The following GALNT13 variants were observed in gnomAD, a reference collection of about 807,000 sequenced individuals.
GALNT13 encodes the protein polypeptide N-acetylgalactosaminyltransferase 13, also known as UDP-GalNAc:polypeptide N-acetylgalactosaminyltransferase 13.
A neutral mutation model predicts 64.2 loss-of-function variants in GALNT13; 28 were observed. The observed-to-expected ratio is 0.44, with a 90% confidence interval of 0.32 to 0.60. The LOEUF (loss-of-function observed/expected upper bound fraction) is 0.60. Ranked by LOEUF, GALNT13 falls within the 20% of genes least tolerant of loss-of-function variation. The pLI is 0.05. For missense variants in GALNT13, 577 were observed against 669.8 expected (o/e 0.86, Z 1.53); for synonymous variants, 214 against 224.6 (o/e 0.95, Z 0.42).
At chr2:153,891,940 T>C (rs1055719050) in intron 1 of GALNT13, among the ~76,000 whole-genome samples, 2 of 152,044 alleles carry the variant, frequency 1.3e-5, no homozygotes, top group Admixed American at 6.6e-5. Context: ...TCCATGATTG[T>C]TTCTTTGCTC....
At chr2:153,397,615 G>A in the GALNT13 span, among the ~76,000 whole-genome samples, 1 of 151,640 alleles carries the variant, frequency 6.6e-6, no homozygotes, top group African/African-American at 2.4e-5. Context: ...TTCATGCTTT[G>A]TTGTCGGGAG....
At chr2:153,799,199 T>G in the GALNT13 span, among the ~76,000 whole-genome samples, 4 of 152,122 alleles carry the variant, frequency 2.6e-5, no homozygotes, top group African/African-American at 9.7e-5. Context: ...TAGTATTTGG[T>G]TTTTTTCTAT....
chr2:153,217,690 C>T, the GALNT13 span, among the ~76,000 whole-genome samples: 1 of 151,934 alleles, frequency 6.6e-6, no homozygotes, highest in Non-Finnish European at 1.5e-5. Context: ...TTATGATCTT[C>T]AGCTCTGAAG....
At chr2:153,246,236 T>C in the GALNT13 span, among the ~76,000 whole-genome samples, 2 of 152,116 alleles carry the variant, frequency 1.3e-5, no homozygotes, top group African/African-American at 4.8e-5. Flanking sequence ...CAGGATATTA[T>C]CCAGGAGAAC....
chr2:153,819,468 A>C, the GALNT13 span, among the ~76,000 whole-genome samples: 3 of 152,172 alleles, frequency 2.0e-5, no homozygotes, highest in East Asian at 1.9e-4. Context: ...ACTTCAGTGC[A>C]CTTCACCAAG....
At chr2:153,767,800 T>C in the GALNT13 span, among the ~76,000 whole-genome samples, 3 of 151,998 alleles carry the variant, frequency 2.0e-5, no homozygotes, top group Non-Finnish European at 4.4e-5. Context: ...AATGTTTTTT[T>C]TTTTTCCCCC....
At chr2:153,591,718 C>T in the GALNT13 span, among the ~76,000 whole-genome samples, 1 of 151,976 alleles carries the variant, frequency 6.6e-6, no homozygotes, top group Non-Finnish European at 1.5e-5. Flanking sequence ...AGACCCCAAA[C>T]TGTAAAAACA....
At position 153,924,776 on chromosome 2, in the gene GALNT13, C is replaced by A. The variant is rs933207195; in HGVS notation, c.-104-19618C>A. 2.6e-5 allele frequency among the ~76,000 whole-genome samples: 4 copies of A among 152,096 alleles called. No individual in the cohort carries two copies. In the South Asian group the frequency reaches 8.3e-4, roughly 32 times the overall value. On this transcript the variant is annotated intron_variant, in intron 2 of 12. Coordinates refer to ENST00000392825, the MANE Select transcript of GALNT13 (RefSeq NM_052917.4). Reference sequence around the variant, plus strand: ...TTCTTATTGGTGTGAGATGATATCTCACTGTGTTTTTGATTTGCATTTCTC... The same window carrying A: ...TTCTTATTGGTGTGAGATGATATCTAACTGTGTTTTTGATTTGCATTTCTC...
chr2:153,556,213 G>T, the GALNT13 span, among the ~76,000 whole-genome samples: 1 of 151,924 alleles, frequency 6.6e-6, no homozygotes, highest in East Asian at 1.9e-4. Flanking sequence ...ATAGCCCAGT[G>T]AAATAATTTG....
intron 3 of GALNT13, among the ~76,000 whole-genome samples, chr2:154,001,445 T>C (rs748047567): frequency 1.4e-4 from 21 of 151,870 alleles, no homozygotes; most frequent in Non-Finnish European, 2.9e-4. Flanking sequence ...AAGTTTTTGC[T>C]CTGTGGTTAT....
At chr2:153,224,731 C>T in the GALNT13 span, among the ~76,000 whole-genome samples, 152,208 of 152,324 alleles carry the variant, frequency 1, 76,047 homozygotes, top group Non-Finnish European at 1. Context: ...CTGTTTTTCA[C>T]GCAATTTGAT....
At chr2:154,269,906 G>GTATGTATATATATATATATATATATATA (rs1691240696) in intron 8 of GALNT13, among the ~76,000 whole-genome samples, 1 of 96,884 alleles carries the variant, frequency 1.0e-5, no homozygotes, top group Non-Finnish European at 2.1e-5. Context: ...ATATATATGT[G>GTATGTATATATATATATATATATATATA]TATATATATA....
At chr2:153,981,872 A>G (rs1281650661) in intron 3 of GALNT13, among the ~76,000 whole-genome samples, 1 of 151,756 alleles carries the variant, frequency 6.6e-6, no homozygotes, top group African/African-American at 2.4e-5. Flanking sequence ...TGATATGTAT[A>G]TTTTTCTTGC....
chr2:154,062,527 A>G (rs1321575941), intron 3 of GALNT13, among the ~76,000 whole-genome samples: 1 of 152,138 alleles, frequency 6.6e-6, no homozygotes, highest in African/African-American at 2.4e-5. Context: ...ACTTACAATC[A>G]TGTGGAAGGC....
the GALNT13 span, among the ~76,000 whole-genome samples, chr2:153,769,051 C>T: frequency 1.3e-5 from 2 of 152,096 alleles, no homozygotes; most frequent in African/African-American, 4.8e-5. Context: ...TTTAACCCAA[C>T]TTGCTACTCT....
At chr2:153,792,976 T>TC in the GALNT13 span, among the ~76,000 whole-genome samples, 12 of 147,220 alleles carry the variant, frequency 8.2e-5, no homozygotes, top group Non-Finnish European at 1.5e-4. Flanking sequence ...CTTTCTTTTT[T>TC]TTTTTTTTTT....
At chr2:153,312,414 G>T in the GALNT13 span, among the ~76,000 whole-genome samples, 1 of 152,104 alleles carries the variant, frequency 6.6e-6, no homozygotes, top group East Asian at 1.9e-4. Flanking sequence ...GAGTTTTTTG[G>T]CTGAAAGTGA....
At chr2:153,822,312 C>T in the GALNT13 span, among the ~76,000 whole-genome samples, 1 of 152,090 alleles carries the variant, frequency 6.6e-6, no homozygotes, top group African/African-American at 2.4e-5. Flanking sequence ...TCTTGATTAA[C>T]ATAGATGCCA....
the GALNT13 span, among the ~76,000 whole-genome samples, chr2:153,190,731 A>G: frequency 6.6e-6 from 1 of 151,858 alleles, no homozygotes; most frequent in Admixed American, 6.6e-5. Flanking sequence ...CTTTCCATTT[A>G]TTTATGGTCT....
Sources: allele counts gnomAD v4.1 joint callset (sites outside exome capture counted in the v4.1 genomes callset), GRCh38; gene constraint gnomAD v4.1.1; transcripts MANE v1.5; gene names NCBI Gene and HGNC (gene_info 2026-07-23, HGNC 2026-07-21).